CENPP: variants seen among roughly 807,000 people sequenced by gnomAD.
CENPP encodes centromere protein P.
A neutral mutation model predicts 35.6 loss-of-function variants in CENPP; 24 were observed. The observed-to-expected ratio is 0.67, with a 90% CI of 0.49 to 0.95. The LOEUF (loss-of-function observed/expected upper bound fraction) is 0.95, where lower values mean the gene tolerates loss of function less well. Among genes scored for constraint, CENPP ranks in the 40% least tolerant of loss-of-function variants. CENPP has a pLI of 0.00. For synonymous variants in CENPP, 120 were observed against 125.5 expected (o/e 0.96, Z 0.29); for missense variants, 332 against 345.3 (o/e 0.96, Z 0.31).
chr9:92,363,332 A>G (rs1841809448), intron 4 of CENPP, among the ~76,000 whole-genome samples: 1 of 152,204 alleles, frequency 6.6e-6, no homozygotes, highest in African/African-American at 2.4e-5. Flanking sequence ...CTACTTTTTG[A>G]TCAGTGACAG....
At chr9:92,513,553 G>A (rs1042983227) in intron 5 of CENPP, among the ~76,000 whole-genome samples, 2 of 152,178 alleles carry the variant, frequency 1.3e-5, no homozygotes, top group Non-Finnish European at 2.9e-5. Flanking sequence ...CTCAGATGAC[G>A]TTTAACTGAT....
chr9:92,463,934 A>G (rs750384634), intron 5 of CENPP, among the ~76,000 whole-genome samples: 3 of 152,222 alleles, frequency 2.0e-5, no homozygotes, highest in Non-Finnish European at 2.9e-5. Flanking sequence ...CTTGATTAAT[A>G]ATAACAGCTT....
chr9:92,566,665 T>G (rs1361003902), intron 5 of CENPP, among the ~76,000 whole-genome samples: 1 of 152,064 alleles, frequency 6.6e-6, no homozygotes, highest in Non-Finnish European at 1.5e-5. Context: ...ATGGAAATGA[T>G]CAATTCTTAG....
intron 4 of CENPP, among the ~76,000 whole-genome samples, chr9:92,357,798 A>G (rs1025067152): frequency 6.6e-6 from 1 of 151,346 alleles, no homozygotes; most frequent in African/African-American, 2.4e-5. Context: ...CCCGGCCACT[A>G]TCTCCCTCAC....
At chr9:92,367,847 C>G (rs1456319825) in intron 4 of CENPP, among the ~76,000 whole-genome samples, 2 of 152,164 alleles carry the variant, frequency 1.3e-5, no homozygotes, top group Admixed American at 6.5e-5. Context: ...AACTCCTGAC[C>G]TCAGGCGATT....
intron 5 of CENPP, among the ~76,000 whole-genome samples, chr9:92,445,569 G>A (rs1035438108): frequency 1.1e-4 from 16 of 152,130 alleles, no homozygotes; most frequent in African/African-American, 3.6e-4. Context: ...GAATTATATA[G>A]TATATTAATT....
chr9:92,491,916 GC>G (rs1846182648), intron 5 of CENPP, among the ~76,000 whole-genome samples: 1 of 152,094 alleles, frequency 6.6e-6, no homozygotes, highest in Admixed American at 6.5e-5. Context: ...GGCCTGAGGA[GC>G]CCTCGTCTTG....
rs755690008 is a variant in CENPP, at chr9:92,510,016, G to A, written c.565-101298G>A. On this transcript the variant is annotated intron_variant, in intron 5 of 7. Transcript: ENST00000375587. ...AAATTATTTCCATCCATATTCAAAC[G>A]CATTAACTTCTTCAGAAGCTTAAAA... 11 of 1,599,642 alleles carry A rather than the reference G, an allele frequency of 6.9e-6. No homozygotes were observed. The Admixed American group carries it at 7.3e-5, about 11-fold the overall frequency.
At chr9:92,418,759 A>G (rs764514421) in intron 5 of CENPP, among the ~76,000 whole-genome samples, 3 of 152,178 alleles carry the variant, frequency 2.0e-5, no homozygotes, top group Non-Finnish European at 4.4e-5. Flanking sequence ...TAGAAATAGT[A>G]TTCATGTTTC....
chr9:92,407,317 A>G (rs1843332801), intron 5 of CENPP, among the ~76,000 whole-genome samples: 1 of 152,118 alleles, frequency 6.6e-6, no homozygotes, highest in Non-Finnish European at 1.5e-5. Context: ...CCTCTACCTC[A>G]AGACTATCAG....
intron 4 of CENPP, among the ~76,000 whole-genome samples, chr9:92,361,408 T>C (rs538196500): frequency 6.6e-6 from 1 of 151,858 alleles, no homozygotes; most frequent in Admixed American, 6.6e-5. Flanking sequence ...CCCAAAGTGT[T>C]GGGATTACAG....
Position 92,616,159 on chromosome 9 carries a change from T to G in CENPP, c.*3010T>G. On this transcript the variant is annotated 3_prime_UTR_variant, in exon 8 of 8. Coordinates refer to ENST00000375587, the MANE Select transcript of CENPP (RefSeq NM_001012267.3). The stretch of plus-strand genomic sequence containing the variant: ...TTCTTTCAACTAGTATGTTTTTATG[T>G]TTTTTCTTTGACTTCTGCAAAGTTA... The G allele has an allele frequency of 7.4e-6, 6 of 810,704 alleles. No individual in the cohort carries two copies. The highest frequency in any genetic ancestry group is 1.2e-5 in the Non-Finnish European group (6 of 512,968). The allele number at this position is 810,704 out of a possible 1,614,324, so 50.2% of individuals were successfully genotyped here. A position where few individuals can be genotyped will look rare whatever the true frequency, so the allele number is the denominator to read the frequency against.
intron 5 of CENPP, among the ~76,000 whole-genome samples, chr9:92,530,521 A>G (rs933155653): frequency 2.6e-5 from 4 of 152,210 alleles, no homozygotes; most frequent in Admixed American, 6.5e-5. Flanking sequence ...AATACTATTA[A>G]CCTATTTGTT....
chr9:92,399,334 A>T (rs1347318133), intron 5 of CENPP, among the ~76,000 whole-genome samples: 2 of 152,192 alleles, frequency 1.3e-5, no homozygotes, highest in Non-Finnish European at 2.9e-5. Flanking sequence ...GGGTTAAATC[A>T]TTTAAATCAT....
intron 3 of CENPP, among the ~76,000 whole-genome samples, chr9:92,342,123 C>A (rs1004144452): frequency 6.6e-6 from 1 of 152,250 alleles, no homozygotes; most frequent in Non-Finnish European, 1.5e-5. Flanking sequence ...TTTCAGGTAT[C>A]AGGAAGAAGT....
intron 5 of CENPP, among the ~76,000 whole-genome samples, chr9:92,556,981 C>G (rs1364826889): frequency 6.6e-6 from 1 of 152,142 alleles, no homozygotes; most frequent in South Asian, 2.1e-4. Flanking sequence ...GGATTTGTTT[C>G]AAGATTTAGA....
intron 5 of CENPP, among the ~76,000 whole-genome samples, chr9:92,453,936 T>TTG (rs891890109): frequency 6.6e-5 from 10 of 152,028 alleles, no homozygotes; most frequent in African/African-American, 2.4e-4. Context: ...CCTGGACAAT[T>TTG]TGTGGAAAGA....
intron 5 of CENPP, among the ~76,000 whole-genome samples, chr9:92,543,948 G>GAAAATTCT (rs1849372227): frequency 6.6e-6 from 1 of 152,060 alleles, no homozygotes; most frequent in Admixed American, 6.6e-5. Flanking sequence ...GCAGTCTTTA[G>GAAAATTCT]AATTTTCTCT....
intron 5 of CENPP, among the ~76,000 whole-genome samples, chr9:92,442,616 G>A (rs141159098): frequency 0.031 from 4,707 of 152,002 alleles, 114 homozygotes; most frequent in South Asian, 0.083. Flanking sequence ...TTGGGAAGCC[G>A]AGGCAGGTGG....
Sources: allele counts gnomAD v4.1 joint callset (sites outside exome capture counted in the v4.1 genomes callset), GRCh38; gene constraint gnomAD v4.1.1; transcripts MANE v1.5; gene names NCBI Gene and HGNC (gene_info 2026-07-23, HGNC 2026-07-21).